Variants in TRPV4 observed in about 807,000 individuals in gnomAD.
TRPV4 encodes OSM9-like transient receptor potential channel 4.
TRPV4 carries 58 observed loss-of-function variants against 84.1 expected under a neutral mutation model. The observed-to-expected ratio is 0.69, with a 90% CI of 0.56 to 0.86. TRPV4 has a LOEUF of 0.86. TRPV4 is among the 40% of genes least tolerant of loss of function. The probability of loss-of-function intolerance (pLI) is 0.00; values close to 1 mark genes in which losing one functional copy is unlikely to be tolerated. For synonymous variants in TRPV4, 489 were observed against 500.9 expected (o/e 0.98, Z 0.32); for missense variants, 879 against 1,181.1 (o/e 0.74, Z 3.75).
At chr12:109,817,724 G>T (rs1891922088) in intron 1 of TRPV4, among the ~76,000 whole-genome samples, 1 of 152,234 alleles carries the variant, frequency 6.6e-6, no homozygotes, top group Non-Finnish European at 1.5e-5. Context: ...CCAGCACAGG[G>T]CCTCATCCAG....
intron 4 of TRPV4, among the ~76,000 whole-genome samples, chr12:109,801,096 T>C (rs1454832563): frequency 6.6e-6 from 1 of 152,238 alleles, no homozygotes; most frequent in Non-Finnish European, 1.5e-5. Context: ...GGAGATCACC[T>C]GAGCCCAGGC....
At chr12:109,810,659 G>C (rs1197971375) in intron 2 of TRPV4, among the ~76,000 whole-genome samples, 3 of 152,222 alleles carry the variant, frequency 2.0e-5, no homozygotes, top group African/African-American at 7.2e-5. Context: ...CACAGATACA[G>C]CCTCTAATGA....
chr12:109,827,801 G>A (rs1240999637), intron 1 of TRPV4, among the ~76,000 whole-genome samples: 2 of 150,840 alleles, frequency 1.3e-5, no homozygotes, highest in African/African-American at 4.9e-5. Context: ...TAAACATATA[G>A]TCATACATAT....
intron 12 of TRPV4, 100 bp downstream of exon 12, chr12:109,792,263 A>AG: frequency 1.1e-6 from 1 of 907,692 alleles, no homozygotes; most frequent in Non-Finnish European, 1.6e-6. Flanking sequence ...AAAAAAAAAA[A>AG]AAGAACTCAG....
At chr12:109,795,853 A>T (rs1890360380) in intron 7 of TRPV4, among the ~76,000 whole-genome samples, 1 of 151,980 alleles carries the variant, frequency 6.6e-6, no homozygotes, top group South Asian at 2.1e-4. Flanking sequence ...GGCTCAGGTG[A>T]TCCTCCCACC....
chr12:109,803,942 T>A (rs1890964498), intron 3 of TRPV4, among the ~76,000 whole-genome samples: 2 of 150,826 alleles, frequency 1.3e-5, no homozygotes, highest in Non-Finnish European at 2.9e-5. Flanking sequence ...GAGCATCGAA[T>A]CCTTTTCCCA....
Position 109,808,291 on chromosome 12 carries a change from CT to C in TRPV4, c.559+4del. 6.2e-7 allele frequency: 1 copy of C among 1,614,034 alleles called. No individual in the cohort carries two copies. Among genetic ancestry groups the C allele is most frequent in the Non-Finnish European group, 8.5e-7 (1 of 1,179,988 alleles). ...CCACTGGCTATGCCCATCTGGGTGGCTCACCTCGAAACTCCTCATCAGTTAG... is the reference window on the plus strand; with the variant it reads ...CCACTGGCTATGCCCATCTGGGTGGCCACCTCGAAACTCCTCATCAGTTAG... On this transcript the variant is annotated splice_donor_region_variant and intron_variant, in intron 3 of 15. Transcript: ENST00000261740.
At chr12:109,792,318 C>G in intron 12 of TRPV4, 45 bp downstream of exon 12, 1 of 1,575,606 alleles carries the variant, frequency 6.3e-7, no homozygotes. Context: ...CTGTTCCCGT[C>G]CTTGCACCAC....
chr12:109,831,349 C>A (rs1373398967), intron 1 of TRPV4, among the ~76,000 whole-genome samples: 1 of 152,230 alleles, frequency 6.6e-6, no homozygotes, highest in African/African-American at 2.4e-5. Flanking sequence ...TCCTACCCTA[C>A]GGCATTCTCC....
chr12:109,814,271 A>G lies in TRPV4; in HGVS notation c.386+140T>C, dbSNP rs919802502. ...TAGGGAGATGAATAGATGGATGGAT[A>G]GATGTATGGATGGTTGGATGGACAG... On this transcript the variant is annotated intron_variant, in intron 2 of 15. Coordinates refer to ENST00000261740, the MANE Select transcript of TRPV4 (RefSeq NM_021625.5). The surrounding 1 kb of genome is among the most constrained non-coding windows in gnomAD (Gnocchi z 5.4). 1.0e-5 allele frequency: 10 copies of G among 953,020 alleles called. No individual in the cohort carries two copies. The highest frequency in any genetic ancestry group is 1.6e-5 in the Non-Finnish European group (10 of 615,594). 59.0% of individuals were successfully genotyped at this position (953,020 alleles called of 1,614,324 possible). A position where few individuals can be genotyped will look rare whatever the true frequency, so the allele number is the denominator to read the frequency against.
chr12:109,809,431 T>C (rs111173944), intron 2 of TRPV4, among the ~76,000 whole-genome samples: 1,817 of 143,536 alleles, frequency 0.013, 39 homozygotes, highest in African/African-American at 0.045. Flanking sequence ...CACTGATCCA[T>C]CCATCCATCC....
Position 109,783,851 on chromosome 12 carries a change from T to A in TRPV4, c.2459-73A>T. On this transcript the variant is annotated intron_variant, in intron 15 of 15. Coordinates refer to ENST00000261740, the MANE Select transcript of TRPV4 (RefSeq NM_021625.5). This position sits in a 1 kb window ranked among gnomAD's most constrained non-coding sequence, Gnocchi z 4.6. ...GAGCGTGCGTATATTGAGTGCCTAC[T>A]GTGTACTGGGCACTCCACAGTGTTC... The A allele has an allele frequency of 6.4e-7, 1 of 1,558,250 alleles. No individual in the cohort carries two copies. Among genetic ancestry groups the A allele is most frequent in the East Asian group, 2.2e-5 (1 of 44,600 alleles).
chr12:109,796,606 C>T lies in TRPV4; in HGVS notation c.1251G>A (p.Ser417=), dbSNP rs765427637. 6.2e-6 allele frequency: 10 copies of T among 1,614,190 alleles called. No homozygotes were observed. Among genetic ancestry groups the T allele is most frequent in the East Asian group, 2.2e-5 (1 of 44,880 alleles). ...KDWAYGPVYS[S]LYDLSSLDTC... ...TGTCCAGGGAGGAGAGGTCATAAAG[C>T]GAGGAATACACTGGCCCATAGGCCC... The change falls in exon 7 of 16, where the codon TCG becomes TCA. Residue 417 remains serine (S), a synonymous_variant. Coordinates refer to ENST00000261740, the MANE Select transcript of TRPV4 (RefSeq NM_021625.5). The surrounding 1 kb of genome is among the most constrained non-coding windows in gnomAD (Gnocchi z 4.2).
At chr12:109,808,504 T>C (rs1399862048) in intron 2 of TRPV4, 36 bp from the exon 3 acceptor site, 1 of 1,592,552 alleles carries the variant, frequency 6.3e-7, no homozygotes, top group Non-Finnish European at 8.6e-7. Context: ...ATGGGAGGGC[T>C]CATCCCCTGC....
chr12:109,824,516 G>T (rs1892198256), intron 1 of TRPV4, among the ~76,000 whole-genome samples: 1 of 152,002 alleles, frequency 6.6e-6, no homozygotes, highest in Non-Finnish European at 1.5e-5. Context: ...AGCACTTTGG[G>T]AGACCGAGGT....
At chr12:109,821,106 G>T (rs1406423602) in intron 1 of TRPV4, among the ~76,000 whole-genome samples, 1 of 152,226 alleles carries the variant, frequency 6.6e-6, no homozygotes, top group Non-Finnish European at 1.5e-5. Context: ...TCCTGATTAC[G>T]TGACCAAGGA....
In TRPV4 at chr12:109,814,347, G is replaced by A; in HGVS notation, c.386+64C>T. Reference sequence around the variant, plus strand: ...TGGGTGGATAATAGATAGAGGGGTGGATGATGAATGGGTGAATGGATACAG... The same window carrying A: ...TGGGTGGATAATAGATAGAGGGGTGAATGATGAATGGGTGAATGGATACAG... On this transcript the variant is annotated intron_variant, in intron 2 of 15. Coordinates refer to ENST00000261740, the MANE Select transcript of TRPV4 (RefSeq NM_021625.5). This position sits in a 1 kb window ranked among gnomAD's most constrained non-coding sequence, Gnocchi z 5.4. The A allele has an allele frequency of 1.3e-6, 2 of 1,564,830 alleles. No individual in the cohort carries two copies. The highest frequency in any genetic ancestry group is 2.3e-5 in the South Asian group (2 of 86,552).
At chr12:109,787,981 C>T (rs544328566) in intron 13 of TRPV4, among the ~76,000 whole-genome samples, 1 of 152,208 alleles carries the variant, frequency 6.6e-6, no homozygotes, top group Admixed American at 6.5e-5. Flanking sequence ...CTCACAGTTG[C>T]TAGAAAAAGA....
intron 4 of TRPV4, among the ~76,000 whole-genome samples, chr12:109,802,622 T>TA (rs753874867): frequency 4.3e-4 from 65 of 150,708 alleles, no homozygotes; most frequent in South Asian, 1.1e-3. Flanking sequence ...TTATTTTTTT[T>TA]TTTTTGTATC....
Sources: gnomAD v4.1 joint callset for allele counts (sites outside exome capture counted in the v4.1 genomes callset) on GRCh38, gnomAD v4.1.1 for gene constraint, Gnocchi (gnomAD v3.1) non-coding constraint, MANE v1.5 for transcripts, NCBI Gene and HGNC (gene_info 2026-07-23, HGNC 2026-07-21) for gene names.